The following CNTN4 variants were observed in gnomAD, a reference collection of about 807,000 sequenced individuals.
CNTN4 encodes the protein contactin-4.
In CNTN4, 77 loss-of-function variants were observed where a neutral mutation model predicts 122.5. That is an observed-to-expected ratio of 0.63 (90% confidence interval 0.52 to 0.76). The LOEUF is 0.76. Among genes scored for constraint, CNTN4 ranks in the 30% least tolerant of loss-of-function variants. The probability of loss-of-function intolerance (pLI) is 0.00; values close to 1 mark genes in which losing one functional copy is unlikely to be tolerated. For missense variants in CNTN4, 1,256 were observed against 1,259.1 expected (o/e 1.00, Z 0.04); for synonymous variants, 512 against 447.0 (o/e 1.15, Z -1.83).
At chr3:2,567,247 C>T (rs1559245239) in intron 3 of CNTN4, among the ~76,000 whole-genome samples, 1 of 152,018 alleles carries the variant, frequency 6.6e-6, no homozygotes, top group Admixed American at 6.6e-5. Flanking sequence ...CCACCACACC[C>T]AACTAATTTT....
chr3:2,547,367 G>T (rs890725604), intron 3 of CNTN4, among the ~76,000 whole-genome samples: 4 of 151,906 alleles, frequency 2.6e-5, no homozygotes, highest in Non-Finnish European at 5.9e-5. Context: ...GCATTCAAGC[G>T]ATTCTTTGGC....
At position 2,430,640 on chromosome 3, in the gene CNTN4, C is replaced by A. The variant is rs990354201; in HGVS notation, c.-89+91407C>A. On this transcript the variant is annotated intron_variant, in intron 3 of 24. Transcript: ENST00000418658. ...CCAAAAAAAAAAAAAAAAAAAAATT[C>A]TGTGTTCAATTAGTTTACCCCAGCT... Among the ~76,000 whole-genome samples, 45 of 113,910 alleles carry A rather than the reference C, an allele frequency of 4.0e-4. No homozygotes were observed. In the East Asian group the frequency reaches 9.4e-3, roughly 24 times the overall value. The allele number at this position is 113,910 out of a possible 152,430, so 74.7% of individuals were successfully genotyped here. A position where few individuals can be genotyped will look rare whatever the true frequency, so the allele number is the denominator to read the frequency against.
chr3:2,471,092 C>A (rs2151502037), intron 3 of CNTN4, among the ~76,000 whole-genome samples: 1 of 152,204 alleles, frequency 6.6e-6, no homozygotes, highest in Non-Finnish European at 1.5e-5. Flanking sequence ...ATAGGAGGGA[C>A]CAATCATTGT....
At chr3:3,044,895 C>T (rs937126396) in intron 23 of CNTN4, among the ~76,000 whole-genome samples, 2 of 152,182 alleles carry the variant, frequency 1.3e-5, no homozygotes, top group Non-Finnish European at 2.9e-5. Context: ...CCTGGAAGAT[C>T]AGGGCACTCC....
chr3:2,414,987 G>C (rs1197406839), intron 3 of CNTN4, among the ~76,000 whole-genome samples: 1 of 152,176 alleles, frequency 6.6e-6, no homozygotes, highest in Non-Finnish European at 1.5e-5. Context: ...TTGGGAAGCA[G>C]TTTCCTTTCC....
chr3:2,624,351 T>C (rs1000450403), intron 4 of CNTN4, among the ~76,000 whole-genome samples: 1 of 152,170 alleles, frequency 6.6e-6, no homozygotes, highest in East Asian at 1.9e-4. Context: ...AAGAATTTAA[T>C]TTTTAGAAAG....
rs142009450 is a variant in CNTN4, at chr3:2,476,850, T to C, written c.-88-94566T>C. Among the ~76,000 whole-genome samples, 375 of 152,350 alleles carry C rather than the reference T, an allele frequency of 2.5e-3. 1 individual carries two copies. Among genetic ancestry groups the C allele is most frequent in the African/African-American group, 8.8e-3 (367 of 41,586 alleles). On this transcript the variant is annotated intron_variant, in intron 3 of 24. Coordinates refer to ENST00000418658, the MANE Select transcript of CNTN4 (RefSeq NM_175607.3). ...CAAACATAAAAAAAGTAGTCAATAA[T>C]TGTTGGTATCATTTTATTTTTTATT...
intron 3 of CNTN4, among the ~76,000 whole-genome samples, chr3:2,461,654 G>A (rs999452864): frequency 3.5e-4 from 53 of 152,344 alleles, no homozygotes; most frequent in African/African-American, 1.2e-3. Context: ...GACTTGTCAA[G>A]TTAACAGACT....
At chr3:2,901,583 C>G (rs771958207) in intron 11 of CNTN4, among the ~76,000 whole-genome samples, 2 of 152,168 alleles carry the variant, frequency 1.3e-5, no homozygotes, top group Non-Finnish European at 2.9e-5. Context: ...GTATAGGTAC[C>G]TAGGTACTGG....
intron 2 of CNTN4, among the ~76,000 whole-genome samples, chr3:2,151,641 C>T (rs1206693493): frequency 1.3e-5 from 2 of 152,154 alleles, no homozygotes; most frequent in African/African-American, 2.4e-5. Context: ...GGTGATTAGA[C>T]CCTGAGGGAT....
intron 2 of CNTN4, among the ~76,000 whole-genome samples, chr3:2,317,212 A>G (rs975676676): frequency 2.0e-5 from 3 of 152,222 alleles, no homozygotes; most frequent in African/African-American, 4.8e-5. Context: ...TCTAGACCTG[A>G]TGGATTATCA....
At chr3:2,223,968 A>C (rs2039163696) in intron 2 of CNTN4, among the ~76,000 whole-genome samples, 1 of 152,122 alleles carries the variant, frequency 6.6e-6, no homozygotes, top group South Asian at 2.1e-4. Context: ...GGGGGCAGGT[A>C]GGTGTGGAGA....
intron 6 of CNTN4, among the ~76,000 whole-genome samples, chr3:2,789,446 C>A (rs2091939927): frequency 6.6e-6 from 1 of 152,012 alleles, no homozygotes; most frequent in South Asian, 2.1e-4. Context: ...TTCTTTTTTT[C>A]TTTTGAGACA....
At chr3:2,495,785 C>G (rs932871493) in intron 3 of CNTN4, among the ~76,000 whole-genome samples, 10 of 152,218 alleles carry the variant, frequency 6.6e-5, no homozygotes, top group Admixed American at 3.3e-4. Flanking sequence ...GAAAAATTGT[C>G]TTCCATGAAA....
rs150488408 is a variant in CNTN4 at position 2,362,500 on chromosome 3, C to T, written c.-89+23267C>T. 1,851 of 536,366 alleles carry T rather than the reference C, an allele frequency of 3.5e-3. 3 individuals are homozygous for T. Among genetic ancestry groups the T allele is most frequent in the Middle Eastern group, 9.0e-3 (29 of 3,210 alleles). 33.2% of individuals were successfully genotyped at this position (536,366 alleles called of 1,614,324 possible). A position where few individuals can be genotyped will look rare whatever the true frequency, so the allele number is the denominator to read the frequency against. On this transcript the variant is annotated intron_variant, in intron 3 of 24. Transcript: ENST00000418658. ...GTGTCTTGTGTTCCCTGAGGTGGCT[C>T]CATAGGCTCCTGTGCACTTTCTGGT...
At chr3:2,407,735 A>C (rs1348956873) in intron 3 of CNTN4, among the ~76,000 whole-genome samples, 1 of 152,206 alleles carries the variant, frequency 6.6e-6, no homozygotes, top group Non-Finnish European at 1.5e-5. Context: ...CTGTGGTCTG[A>C]TGGACAACAA....
At chr3:2,982,611 A>G (rs1259047965) in intron 13 of CNTN4, among the ~76,000 whole-genome samples, 2 of 152,194 alleles carry the variant, frequency 1.3e-5, no homozygotes, top group Non-Finnish European at 1.5e-5. Flanking sequence ...TAGCAATCCC[A>G]GCAGAAAGAG....
intron 2 of CNTN4, among the ~76,000 whole-genome samples, chr3:2,195,190 G>A (rs569227242): frequency 5.3e-5 from 8 of 152,220 alleles, no homozygotes; most frequent in East Asian, 1.9e-4. Flanking sequence ...ATTCTATGCC[G>A]GGATCATTTC....
At chr3:2,911,945 ACAT>A (rs1392736520) in intron 12 of CNTN4, among the ~76,000 whole-genome samples, 7 of 152,188 alleles carry the variant, frequency 4.6e-5, no homozygotes, top group African/African-American at 1.7e-4. Flanking sequence ...GGTCTATGGG[ACAT>A]CATCAAGTGC....
Sources: allele counts gnomAD v4.1 joint callset (sites outside exome capture counted in the v4.1 genomes callset), GRCh38; gene constraint gnomAD v4.1.1; transcripts MANE v1.5; gene names NCBI Gene and HGNC (gene_info 2026-07-23, HGNC 2026-07-21).